Variants in CARMIL3 observed in about 807,000 individuals in gnomAD.
CARMIL3 encodes the protein capping protein regulator and myosin 1 linker 3.
A neutral mutation model predicts 180.8 loss-of-function variants in CARMIL3; 88 were observed. The observed-to-expected ratio is 0.49, with a 90% confidence interval of 0.41 to 0.58. The LOEUF (loss-of-function observed/expected upper bound fraction) is 0.58, where lower values mean the gene tolerates loss of function less well. CARMIL3 is among the 20% of genes least tolerant of loss of function. The pLI is 0.00. For synonymous variants in CARMIL3, 696 were observed against 714.5 expected, an observed-to-expected ratio of 0.97 and a Z score of 0.41; for missense variants, 1,548 against 1,787.0, an observed-to-expected ratio of 0.87 and a Z score of 2.41.
chr14:24,066,540 C>T (rs1413285125), intron 35 of CARMIL3, 27 bp from the exon 36 acceptor site: 1 of 1,613,056 alleles, frequency 6.2e-7, no homozygotes, highest in Non-Finnish European at 8.5e-7. Context: ...TTTCTCCTCT[C>T]TTTCTCATCC....
rs769208925 is a variant in CARMIL3 at position 24,069,416 on chromosome 14, A to G, written c.*12A>G. On this transcript the variant is annotated 3_prime_UTR_variant, in exon 40 of 40. Coordinates refer to ENST00000342740, the MANE Select transcript of CARMIL3 (RefSeq NM_138360.4). ...CAGGAACAGACTGACAACTGCCACA[A>G]CACCCTCCTCAGCCCTCGACATGTG... 6.2e-7 allele frequency: 1 copy of G among 1,613,960 alleles called. No individual in the cohort carries two copies. The highest frequency in any genetic ancestry group is 1.1e-5 in the South Asian group (1 of 91,074).
At position 24,060,168 on chromosome 14, in the gene CARMIL3, C is replaced by T; in HGVS notation, c.1974C>T (p.Cys658=). The change falls in exon 24 of 40, where the codon TGC becomes TGT. Residue 658 remains cysteine (C), a synonymous_variant. Coordinates refer to ENST00000342740, the MANE Select transcript of CARMIL3 (RefSeq NM_138360.4). ...CCCATCATCTCCAGATCCAATGGTG[C>T]TTAGTGAGGAACAACCACTCCCAGA... ...TEDVWQKIQW[C]LVRNNHSQTC... is the part of the protein sequence containing the mutation. 3 of 1,614,172 alleles carry T rather than the reference C, an allele frequency of 1.9e-6. No homozygotes were observed. The highest frequency in any genetic ancestry group is 2.5e-6 in the Non-Finnish European group (3 of 1,180,032).
chr14:24,064,198 G>A, intron 31 of CARMIL3, 48 bp from the exon 32 acceptor site: 3 of 1,390,786 alleles, frequency 2.2e-6, no homozygotes, highest in Non-Finnish European at 3.0e-6. Flanking sequence ...TGGGAGGTGG[G>A]GCTTCCTGAC....
intron 11 of CARMIL3, 21 bp from the exon 12 acceptor site, chr14:24,056,601 G>A (rs1221058459): frequency 3.7e-6 from 6 of 1,613,214 alleles, no homozygotes; most frequent in Admixed American, 1.7e-5. Flanking sequence ...CACTGGGCCC[G>A]TTTCTCTCTC....
intron 33 of CARMIL3, 35 bp from the exon 34 acceptor site, chr14:24,065,587 T>C: frequency 6.3e-7 from 1 of 1,577,578 alleles, no homozygotes; most frequent in Non-Finnish European, 8.6e-7. Context: ...CCCCTTCGAC[T>C]GGGAACTGCT....
intron 36 of CARMIL3, among the ~76,000 whole-genome samples, chr14:24,067,108 C>A (rs2035794801): frequency 6.6e-6 from 1 of 152,216 alleles, no homozygotes; most frequent in South Asian, 2.1e-4. Flanking sequence ...TCAGCTCACG[C>A]AGAAAGGTGC....
At position 24,065,607 on chromosome 14, in the gene CARMIL3, G is replaced by T; in HGVS notation, c.3397-15G>T. 1 of 1,595,022 alleles carries T rather than the reference G, an allele frequency of 6.3e-7. No individual in the cohort carries two copies. The highest frequency in any genetic ancestry group is 8.5e-7 in the Non-Finnish European group (1 of 1,172,516). ...TCGACTGGGAACTGCTAATAAATAA[G>T]AGACCTTGTTCTAGGGCACTGAGGG... is the stretch of plus-strand genomic sequence containing the variant. On this transcript the variant is annotated splice_polypyrimidine_tract_variant and intron_variant, in intron 33 of 39. Coordinates refer to ENST00000342740, the MANE Select transcript of CARMIL3 (RefSeq NM_138360.4).
Position 24,054,318 on chromosome 14 carries a change from T to A in CARMIL3, c.246+17T>A. ...CAGAATCAGGTGAGTACCAGGGCTTTGGGCCCCACTACTGGGCCAGCTGGA... is the reference window on the plus strand; with the variant it reads ...CAGAATCAGGTGAGTACCAGGGCTTAGGGCCCCACTACTGGGCCAGCTGGA... On this transcript the variant is annotated intron_variant, in intron 4 of 39. Transcript: ENST00000342740. This position sits in a 1 kb window ranked among gnomAD's most constrained non-coding sequence, Gnocchi z 5.1. 1 of 1,614,154 alleles carries A rather than the reference T, an allele frequency of 6.2e-7. No individual in the cohort carries two copies. The highest frequency in any genetic ancestry group is 8.5e-7 in the Non-Finnish European group (1 of 1,180,000).
rs1035692114 is a variant in CARMIL3 at position 24,065,755 on chromosome 14, G to A, written c.3525+5G>A. ...AGCTTCGATGGGAAACGAGAGGTGAGTGGAGCCTGGGACAACAAACTGTGG... is the reference window on the plus strand; with the variant it reads ...AGCTTCGATGGGAAACGAGAGGTGAATGGAGCCTGGGACAACAAACTGTGG... On this transcript the variant is annotated splice_donor_5th_base_variant and intron_variant, in intron 34 of 39. Coordinates refer to ENST00000342740, the MANE Select transcript of CARMIL3 (RefSeq NM_138360.4). 1 of 1,613,806 alleles carries A rather than the reference G, an allele frequency of 6.2e-7. No homozygotes were observed. The highest frequency in any genetic ancestry group is 8.5e-7 in the Non-Finnish European group (1 of 1,179,810).
intron 7 of CARMIL3, 34 bp downstream of exon 7, chr14:24,055,170 G>C (rs375454835): frequency 6.2e-7 from 1 of 1,613,866 alleles, no homozygotes; most frequent in African/African-American, 1.3e-5. Flanking sequence ...GGGAACAGGT[G>C]GGACCTGGAG....
rs763303390 is a variant in CARMIL3, at chr14:24,060,258, A to G, written c.2061+3A>G. The G allele has an allele frequency of 6.2e-7, 1 of 1,614,080 alleles. No individual in the cohort carries two copies. Among genetic ancestry groups the G allele is most frequent in the South Asian group, 1.1e-5 (1 of 91,088 alleles). On this transcript the variant is annotated splice_donor_region_variant and intron_variant, in intron 24 of 39. Coordinates refer to ENST00000342740, the MANE Select transcript of CARMIL3 (RefSeq NM_138360.4). ...TGGTGACCAGCAGCGCCGAGCAAGT[A>G]AACGTTTCCCTCTGGGACACGGGGC... is the stretch of plus-strand genomic sequence containing the variant.
chr14:24,055,856 G>T, intron 10 of CARMIL3, 67 bp downstream of exon 10: 1 of 1,424,828 alleles, frequency 7.0e-7, no homozygotes, highest in Admixed American at 1.8e-5. Context: ...CAGAACCTCA[G>T]AGCATGATGC....
rs1056797599 is a variant in CARMIL3, at chr14:24,059,914, G to A, written c.1869-56G>A. On this transcript the variant is annotated intron_variant, in intron 22 of 39. Coordinates refer to ENST00000342740, the MANE Select transcript of CARMIL3 (RefSeq NM_138360.4). This position sits in a 1 kb window ranked among gnomAD's most constrained non-coding sequence, Gnocchi z 6.3. ...GGAGGGCTGCTCACCAACAGAGGAG[G>A]CAGGGGCCTCCCATCCTCACCTGTT... 2 of 1,591,528 alleles carry A rather than the reference G, an allele frequency of 1.3e-6. No homozygotes were observed. The highest frequency in any genetic ancestry group is 1.1e-5 in the South Asian group (1 of 90,506).
In CARMIL3 at chr14:24,061,527, C is replaced by G. The variant is rs2035733299; in HGVS notation, c.2335C>G (p.Gln779Glu). The G allele has an allele frequency of 1.2e-6, 2 of 1,613,950 alleles. No individual in the cohort carries two copies. The highest frequency in any genetic ancestry group is 1.7e-6 in the Non-Finnish European group (2 of 1,179,876). ...VILESMVSLT[Q>E]ELCPVAMRVA... The stretch of plus-strand genomic sequence containing the variant: ...CCTGGAGTCCATGGTCAGCCTGACA[C>G]AGGAGTTATGCCCTGTGGCCATGCG... Residue 779 changes from glutamine (Q) to glutamate (E), a missense_variant, in exon 27 of 40, where the codon CAG becomes GAG. Physicochemically the swap from Gln to Glu is conservative, Grantham distance 29. This residue lies in a region of CARMIL3 where 297 missense variants were observed against 415.9 expected (regional missense o/e 0.71). Transcript: ENST00000342740. The surrounding 1 kb of genome is among the most constrained non-coding windows in gnomAD (Gnocchi z 4.1).
chr14:24,069,704 G>A lies in CARMIL3; in HGVS notation c.*300G>A. 2.3e-6 allele frequency: 1 copy of A among 437,864 alleles called. No individual in the cohort carries two copies. Among genetic ancestry groups the A allele is most frequent in the Non-Finnish European group, 4.1e-6 (1 of 245,128 alleles). The allele number at this position is 437,864 out of a possible 1,614,324, so 27.1% of individuals were successfully genotyped here. A position where few individuals can be genotyped will look rare whatever the true frequency, so the allele number is the denominator to read the frequency against. ...ATCCCCAGGGACTCTCTCCCCTCTT[G>A]TATAGAATAAAAAAACAAAATCATC... is the stretch of plus-strand genomic sequence containing the variant. On this transcript the variant is annotated 3_prime_UTR_variant, in exon 40 of 40. Transcript: ENST00000342740.
intron 34 of CARMIL3, 139 bp from the exon 35 acceptor site, chr14:24,066,259 A>C (rs566935796): frequency 2.4e-5 from 24 of 991,692 alleles, no homozygotes; most frequent in Non-Finnish European, 4.5e-6. Context: ...TATGGGTGCC[A>C]CTCTTTGGGA....
chr14:24,055,293 C>T lies in CARMIL3; in HGVS notation c.588C>T (p.Phe196=), dbSNP rs745339734. 3.2e-5 allele frequency: 52 copies of T among 1,613,976 alleles called. No homozygotes were observed. The highest frequency in any genetic ancestry group is 4.3e-5 in the Non-Finnish European group (51 of 1,180,020). ...ACCGGGAGTTCAATCTTTTGGATTT[C>T]AGCCACTTGGAGAGCCGGTAAGCAG... The part of the protein sequence containing the change: ...EDNREFNLLD[F]SHLESRDLAL... The change falls in exon 8 of 40, where the codon TTC becomes TTT. Residue 196 remains phenylalanine, a synonymous_variant. Transcript: ENST00000342740.
chr14:24,057,895 G>T lies in CARMIL3; in HGVS notation c.1217+16G>T. 2 of 1,613,050 alleles carry T rather than the reference G, an allele frequency of 1.2e-6. No individual in the cohort carries two copies. The highest frequency in any genetic ancestry group is 1.7e-6 in the Non-Finnish European group (2 of 1,179,936). Reference sequence around the variant, plus strand: ...GCTCCCACAGGTGGGAGAGGAGGGGGAAGGGAGGACAGGGCAAGACATGGC... The same window carrying T: ...GCTCCCACAGGTGGGAGAGGAGGGGTAAGGGAGGACAGGGCAAGACATGGC... On this transcript the variant is annotated intron_variant, in intron 15 of 39. Transcript: ENST00000342740.
At position 24,068,595 on chromosome 14, in the gene CARMIL3, G is replaced by A. The variant is rs1227429825; in HGVS notation, c.3694G>A (p.Ala1232Thr). 5 of 1,612,380 alleles carry A rather than the reference G, an allele frequency of 3.1e-6. No individual in the cohort carries two copies. The highest frequency in any genetic ancestry group is 4.2e-6 in the Non-Finnish European group (5 of 1,179,104). ...TCTCTCATCCCCAGCTGAAGAGAGT[G>A]CCCCCAACCACAGCTGCCAGAGTCC... Reference protein sequence around the residue: ...EATWHIAEESAPNHSCQSPSP... With the variant: ...EATWHIAEESTPNHSCQSPSP... Residue 1232 changes from alanine (A) to threonine (T), a missense_variant, in exon 37 of 40, where the codon GCC becomes ACC. Physicochemically the swap from Ala to Thr is moderately conservative, Grantham distance 58. Around this residue, in one of 4 missense-constraint regions of CARMIL3, gnomAD observed 668 missense variants for 687.8 expected, o/e 0.97. Coordinates refer to ENST00000342740, the MANE Select transcript of CARMIL3 (RefSeq NM_138360.4).
Sources: gnomAD v4.1 joint callset for allele counts (sites outside exome capture counted in the v4.1 genomes callset) on GRCh38, gnomAD v4.1.1 for gene constraint, gnomAD v4.1.1 regional missense constraint, Gnocchi (gnomAD v3.1) non-coding constraint, MANE v1.5 for transcripts, NCBI Gene and HGNC (gene_info 2026-07-23, HGNC 2026-07-21) for gene names.